TTC29: variants seen among roughly 807,000 people sequenced by gnomAD.
TTC29 encodes the protein tetratricopeptide repeat protein 29.
Under a neutral mutation model 58.1 loss-of-function variants are expected in TTC29, and 49 were observed. That is an observed-to-expected ratio of 0.84 (90% CI 0.67 to 1.07). The LOEUF (loss-of-function observed/expected upper bound fraction) is 1.07. Ranked by LOEUF, TTC29 falls within the 50% of genes least tolerant of loss-of-function variation. The pLI is 0.00. For synonymous variants in TTC29, 209 were observed against 196.8 expected, an observed-to-expected ratio of 1.06 and a Z score of -0.52; for missense variants, 582 against 555.6, an observed-to-expected ratio of 1.05 and a Z score of -0.48.
chr4:146,835,745 C>T (rs1360348945), intron 8 of TTC29, among the ~76,000 whole-genome samples: 2 of 152,112 alleles, frequency 1.3e-5, no homozygotes, highest in African/African-American at 2.4e-5. Flanking sequence ...TCTCTCATGA[C>T]CCTGATCTCC....
At chr4:146,803,796 G>A in intron 10 of TTC29, 111 bp from the exon 11 acceptor site, 1 of 766,186 alleles carries the variant, frequency 1.3e-6, no homozygotes, top group South Asian at 2.2e-5. Context: ...AGTTACAGCA[G>A]TTCATCTTCA....
chr4:146,907,852 G>A (rs183483951), intron 5 of TTC29, among the ~76,000 whole-genome samples: 1 of 151,996 alleles, frequency 6.6e-6, no homozygotes, highest in East Asian at 1.9e-4. Flanking sequence ...TTAATTTCTT[G>A]AGAAATAATT....
intron 4 of TTC29, among the ~76,000 whole-genome samples, chr4:146,927,146 T>C (rs190186683): frequency 8.0e-4 from 122 of 151,886 alleles, no homozygotes; most frequent in Middle Eastern, 6.8e-3. Context: ...AATGTGAGTG[T>C]AATATATTAA....
At chr4:146,787,511 A>G (rs1749111050) in intron 11 of TTC29, among the ~76,000 whole-genome samples, 1 of 152,176 alleles carries the variant, frequency 6.6e-6, no homozygotes, top group African/African-American at 2.4e-5. Flanking sequence ...TTAAGACTCA[A>G]ATAAGTCTAG....
chr4:146,722,689 GTTTAT>G (rs1046583515), intron 11 of TTC29, among the ~76,000 whole-genome samples: 5 of 151,768 alleles, frequency 3.3e-5, no homozygotes, highest in African/African-American at 1.2e-4. Flanking sequence ...TGGATTAAAG[GTTTAT>G]TTTATTTTAT....
chr4:146,735,559 C>CT (rs1233448164), intron 11 of TTC29, among the ~76,000 whole-genome samples: 3 of 152,094 alleles, frequency 2.0e-5, no homozygotes, highest in Admixed American at 6.6e-5. Context: ...CAGTGTAAGT[C>CT]TTTTTACCCT....
chr4:146,732,742 T>C (rs532288053), intron 11 of TTC29, among the ~76,000 whole-genome samples: 2 of 152,198 alleles, frequency 1.3e-5, no homozygotes, highest in African/African-American at 2.4e-5. Flanking sequence ...GACAAAGAAC[T>C]AGGAGCTAAA....
chr4:146,910,184 C>A (rs1326238757), intron 4 of TTC29, among the ~76,000 whole-genome samples: 1 of 151,728 alleles, frequency 6.6e-6, no homozygotes, highest in Non-Finnish European at 1.5e-5. Context: ...GGAAACAGCC[C>A]AGACCACCAA....
Position 146,867,564 on chromosome 4 carries a change from T to C in TTC29, c.819A>G (p.Glu273=). 6.5e-7 allele frequency: 1 copy of C among 1,531,884 alleles called. No homozygotes were observed. 94.9% of individuals were successfully genotyped at this position (1,531,884 alleles called of 1,614,324 possible). ...AGCCCAAGTAGTAAGAGGCTTCCGC[T>C]TCCATCTTTTTGTCACTTCCTGAAG... ...IAKEGSDKKM[E]AEASYYLGLA... Residue 273 remains glutamate, a synonymous_variant, in exon 8 of 13, where the codon GAA becomes GAG. Coordinates refer to ENST00000325106, the MANE Select transcript of TTC29 (RefSeq NM_031956.4).
chr4:146,728,772 CACATATATAT>C (rs1744004912), intron 11 of TTC29, among the ~76,000 whole-genome samples: 1 of 124,486 alleles, frequency 8.0e-6, no homozygotes, highest in Non-Finnish European at 1.7e-5. Flanking sequence ...CATATATATA[CACATATATAT>C]GTGTATATAT....
At chr4:146,739,718 C>T (rs986131639) in intron 11 of TTC29, among the ~76,000 whole-genome samples, 1 of 152,126 alleles carries the variant, frequency 6.6e-6, no homozygotes, top group African/African-American at 2.4e-5. Flanking sequence ...TTCATATATT[C>T]ATACTTTTCC....
rs572275662 is a variant in TTC29, at chr4:146,712,814, G to C, written c.1331-5263C>G. ...ATTATCATCTCTGGGTCTAAATTCA[G>C]GGTAAAGAGAGAGGATGGTGCCACT... On this transcript the variant is annotated intron_variant, in intron 11 of 12. Transcript: ENST00000325106. 7.6e-4 allele frequency among the ~76,000 whole-genome samples: 116 copies of C among 152,036 alleles called. 1 individual carries two copies. Among genetic ancestry groups the C allele is most frequent in the Non-Finnish European group, 1.2e-3 (82 of 68,008 alleles).
chr4:146,783,737 C>T (rs1360691838), intron 11 of TTC29, among the ~76,000 whole-genome samples: 1 of 150,812 alleles, frequency 6.6e-6, no homozygotes, highest in African/African-American at 2.4e-5. Context: ...GAAGAGGTAG[C>T]CTCTTATTTT....
At chr4:146,717,754 T>G (rs1037382289) in intron 11 of TTC29, among the ~76,000 whole-genome samples, 4 of 152,188 alleles carry the variant, frequency 2.6e-5, no homozygotes, top group African/African-American at 9.6e-5. Flanking sequence ...TGAGAGCATT[T>G]GAGAATTACC....
intron 11 of TTC29, among the ~76,000 whole-genome samples, chr4:146,750,925 G>A (rs753467689): frequency 2.6e-5 from 4 of 152,130 alleles, no homozygotes; most frequent in Non-Finnish European, 5.9e-5. Flanking sequence ...GATACAGAGT[G>A]GCTAAATGAA....
At chr4:146,944,528 G>A (rs902546136) in intron 2 of TTC29, among the ~76,000 whole-genome samples, 19 of 152,238 alleles carry the variant, frequency 1.2e-4, no homozygotes, top group African/African-American at 4.1e-4. Context: ...ACAAAGGAGG[G>A]AGACCTACTA....
chr4:146,904,540 G>A (rs1376786501), intron 5 of TTC29, among the ~76,000 whole-genome samples: 1 of 152,070 alleles, frequency 6.6e-6, no homozygotes, highest in Non-Finnish European at 1.5e-5. Context: ...ATATGTCTGT[G>A]TGTTAATAAG....
At chr4:146,886,217 A>T (rs1731972025) in intron 6 of TTC29, among the ~76,000 whole-genome samples, 1 of 152,004 alleles carries the variant, frequency 6.6e-6, no homozygotes, top group African/African-American at 2.4e-5. Context: ...ACCAGTCTGA[A>T]TGCCTCCTGT....
At chr4:146,880,502 G>A (rs559188401) in intron 6 of TTC29, among the ~76,000 whole-genome samples, 2 of 152,210 alleles carry the variant, frequency 1.3e-5, no homozygotes, top group South Asian at 2.1e-4. Context: ...AGACAAACAC[G>A]ATGTAGGGAA....
Sources: gnomAD v4.1 joint callset for allele counts (sites outside exome capture counted in the v4.1 genomes callset) on GRCh38, gnomAD v4.1.1 for gene constraint, MANE v1.5 for transcripts, NCBI Gene and HGNC (gene_info 2026-07-23, HGNC 2026-07-21) for gene names.